The following TNFAIP8 variants were observed in gnomAD, a reference collection of about 807,000 sequenced individuals.
TNFAIP8 encodes tumor necrosis factor alpha-induced protein 8.
Under a neutral mutation model 13.3 loss-of-function variants are expected in TNFAIP8, and 7 were observed. That is an observed-to-expected ratio of 0.52 (90% CI 0.30 to 0.99). The LOEUF (loss-of-function observed/expected upper bound fraction) is 0.99, where lower values mean the gene tolerates loss of function less well. Among genes scored for constraint, TNFAIP8 ranks in the 50% least tolerant of loss-of-function variants. TNFAIP8 has a pLI of 0.07. For missense variants in TNFAIP8, 258 were observed against 236.9 expected (o/e 1.09, Z -0.58); for synonymous variants, 94 against 87.6 (o/e 1.07, Z -0.41).
chr5:119,375,720 C>T (rs962967865), intron 1 of TNFAIP8, among the ~76,000 whole-genome samples: 1 of 151,986 alleles, frequency 6.6e-6, no homozygotes, highest in Admixed American at 6.6e-5. Flanking sequence ...TTGGGAGGCT[C>T]TATTAAATTT....
chr5:119,269,654 A>G (rs536742823), intron 1 of TNFAIP8, among the ~76,000 whole-genome samples: 1 of 152,366 alleles, frequency 6.6e-6, no homozygotes, highest in East Asian at 1.9e-4. Flanking sequence ...AGATTTTCGA[A>G]AACACAGAAG....
chr5:119,361,574 A>G (rs1462620079), intron 1 of TNFAIP8, among the ~76,000 whole-genome samples: 1 of 152,218 alleles, frequency 6.6e-6, no homozygotes, highest in Non-Finnish European at 1.5e-5. Flanking sequence ...TGATGAAGCA[A>G]AGAGACTATA....
At position 119,397,478 on chromosome 5, in the gene TNFAIP8, G is replaced by C. The variant is rs888404260; in HGVS notation, c.*4097G>C. Reference sequence around the variant, plus strand: ...TTCCATACTTGCATTATCTAAACTAGTTGAACTTTTCAGTGTTTTACTTGA... The same window carrying C: ...TTCCATACTTGCATTATCTAAACTACTTGAACTTTTCAGTGTTTTACTTGA... On this transcript the variant is annotated 3_prime_UTR_variant, in exon 2 of 2. Coordinates refer to ENST00000504771, the MANE Select transcript of TNFAIP8 (RefSeq NM_014350.4). 1.3e-5 allele frequency: 2 copies of C among 152,288 alleles called. No homozygotes were observed. The highest frequency in any genetic ancestry group is 4.8e-5 in the African/African-American group (2 of 41,566). 9.4% of individuals were successfully genotyped at this position (152,288 alleles called of 1,614,324 possible).
intron 1 of TNFAIP8, among the ~76,000 whole-genome samples, chr5:119,358,339 G>A (rs1751514733): frequency 1.3e-5 from 2 of 152,272 alleles, no homozygotes; most frequent in South Asian, 4.1e-4. Context: ...GAATGTAGAA[G>A]CAAATGACTG....
intron 1 of TNFAIP8, among the ~76,000 whole-genome samples, chr5:119,373,017 A>G (rs1303766670): frequency 6.6e-6 from 1 of 152,196 alleles, no homozygotes; most frequent in African/African-American, 2.4e-5. Context: ...TTTATTTTTT[A>G]TGATCTTTGT....
At chr5:119,306,469 A>G (rs1177951823) in intron 1 of TNFAIP8, 2 of 151,636 alleles carry the variant, frequency 1.3e-5, no homozygotes, top group Non-Finnish European at 2.9e-5. Context: ...TACCCTCCTT[A>G]GGCAACCTGG....
chr5:119,324,909 GTTA>G (rs1465889549), intron 1 of TNFAIP8, among the ~76,000 whole-genome samples: 1 of 152,008 alleles, frequency 6.6e-6, no homozygotes, highest in East Asian at 1.9e-4. Context: ...GAGTTCTCAT[GTTA>G]TTAATACTCT....
At chr5:119,339,531 G>A (rs1402506767) in intron 1 of TNFAIP8, among the ~76,000 whole-genome samples, 1 of 150,230 alleles carries the variant, frequency 6.7e-6, no homozygotes, top group Non-Finnish European at 1.5e-5. Context: ...AGTAAATGGG[G>A]CCCTGTATAT....
intron 1 of TNFAIP8, among the ~76,000 whole-genome samples, chr5:119,296,964 G>T (rs1749197308): frequency 6.6e-6 from 1 of 151,820 alleles, no homozygotes; most frequent in Non-Finnish European, 1.5e-5. Context: ...TGTGGGATCG[G>T]TGGTGATATC....
At chr5:119,334,125 T>A (rs1388081618) in intron 1 of TNFAIP8, among the ~76,000 whole-genome samples, 1 of 139,538 alleles carries the variant, frequency 7.2e-6, no homozygotes, top group Non-Finnish European at 1.5e-5. Context: ...GCTGTTGCCA[T>A]TTTCTCTAAC....
intron 1 of TNFAIP8, among the ~76,000 whole-genome samples, chr5:119,278,461 GTAGTGT>G (rs1462913554): frequency 6.8e-6 from 1 of 147,654 alleles, no homozygotes; most frequent in Non-Finnish European, 1.5e-5. Context: ...TGCTTCTCTA[GTAGTGT>G]CTATCCCTTT....
At chr5:119,300,112 C>T (rs1340668673) in intron 1 of TNFAIP8, among the ~76,000 whole-genome samples, 2 of 152,226 alleles carry the variant, frequency 1.3e-5, no homozygotes, top group Non-Finnish European at 2.9e-5. Flanking sequence ...GTGCGCTGCA[C>T]CCACTGTCCT....
At chr5:119,367,382 A>G (rs1391425426) in intron 1 of TNFAIP8, among the ~76,000 whole-genome samples, 3 of 152,150 alleles carry the variant, frequency 2.0e-5, no homozygotes, top group African/African-American at 7.2e-5. Context: ...CAACTGGACT[A>G]TTTTGTCGTA....
intron 1 of TNFAIP8, among the ~76,000 whole-genome samples, chr5:119,297,115 C>T (rs1284595982): frequency 2.0e-5 from 3 of 152,154 alleles, no homozygotes; most frequent in Non-Finnish European, 4.4e-5. Flanking sequence ...TTCAGTTCTG[C>T]TCTGATTTTA....
At chr5:119,269,929 G>A (rs1475159960) in intron 1 of TNFAIP8, among the ~76,000 whole-genome samples, 1 of 152,158 alleles carries the variant, frequency 6.6e-6, no homozygotes, top group Non-Finnish European at 1.5e-5. Flanking sequence ...ATGATTGCCT[G>A]GTTGCTGGGG....
chr5:119,269,162 T>G (rs1204818661), intron 1 of TNFAIP8, among the ~76,000 whole-genome samples: 1 of 152,116 alleles, frequency 6.6e-6, no homozygotes, highest in African/African-American at 2.4e-5. Context: ...AAGACCCCTT[T>G]TAGGAACCCT....
At chr5:119,350,841 C>T (rs965730222) in intron 1 of TNFAIP8, among the ~76,000 whole-genome samples, 1 of 152,198 alleles carries the variant, frequency 6.6e-6, no homozygotes, top group Non-Finnish European at 1.5e-5. Context: ...TCTCCACACT[C>T]ATCCTCAGCA....
intron 1 of TNFAIP8, among the ~76,000 whole-genome samples, chr5:119,340,141 T>G (rs1211124158): frequency 1.3e-5 from 2 of 152,168 alleles, no homozygotes; most frequent in African/African-American, 4.8e-5. Flanking sequence ...AGGTAGCCAT[T>G]TATCTTTTAG....
chr5:119,270,578 CA>C (rs1263899772), intron 1 of TNFAIP8, among the ~76,000 whole-genome samples: 3 of 152,198 alleles, frequency 2.0e-5, no homozygotes, highest in African/African-American at 7.2e-5. Context: ...GCTAGTAACA[CA>C]ATTTGCTTTT....
Sources: allele counts gnomAD v4.1 joint callset (sites outside exome capture counted in the v4.1 genomes callset), GRCh38; gene constraint gnomAD v4.1.1; transcripts MANE v1.5; gene names NCBI Gene and HGNC (gene_info 2026-07-23, HGNC 2026-07-21).